Variants in PVT1 observed in about 807,000 individuals in gnomAD.
The protein encoded by PVT1 is Pvt1 oncogene.
At chr8:127,947,755 A>C (rs979320621) in intron 3 of PVT1, 1 of 456,446 alleles carries the variant, frequency 2.2e-6, no homozygotes, top group Non-Finnish European at 4.4e-6. Flanking sequence ...CGATGATCAC[A>C]GTCCAGGGAC....
chr8:127,881,658 TGTTA>T (rs1247866839), intron 2 of PVT1, among the ~76,000 whole-genome samples: 1 of 151,856 alleles, frequency 6.6e-6, no homozygotes. Context: ...AGTTTCAACA[TGTTA>T]GTTAGGCCGG....
intron 5 of PVT1, among the ~76,000 whole-genome samples, chr8:128,074,534 A>G (rs1814057478): frequency 6.6e-6 from 1 of 150,904 alleles, no homozygotes; most frequent in African/African-American, 2.4e-5. Flanking sequence ...AAAAAAAAAA[A>G]AAGGGGGGGG....
chr8:127,984,112 C>G (rs1816915673), intron 3 of PVT1: 1 of 152,134 alleles, frequency 6.6e-6, no homozygotes, highest in Non-Finnish European at 1.5e-5. Flanking sequence ...CTCCTGACCT[C>G]AAGTGATCCA....
At chr8:127,986,596 A>G (rs1211384202) in intron 3 of PVT1, among the ~76,000 whole-genome samples, 4 of 152,068 alleles carry the variant, frequency 2.6e-5, no homozygotes, top group Non-Finnish European at 5.9e-5. Flanking sequence ...TGTTTCTCCC[A>G]CCAATTATTG....
chr8:127,939,113 C>G (rs758682510), intron 3 of PVT1, among the ~76,000 whole-genome samples: 3 of 152,202 alleles, frequency 2.0e-5, no homozygotes, highest in Admixed American at 6.5e-5. Context: ...CAAGGCTTTG[C>G]AGTTATGGAG....
rs560952103 is a variant in PVT1, at chr8:127,903,229, C to T, written n.782+12231C>T. ...TCATGTTTGGTGGCTGCATGAATGT[C>T]TTCTTTTGAGCAGTGTCCGTCCTTG... On this transcript the variant is annotated intron_variant and non_coding_transcript_variant, in intron 3 of 10. Transcript: ENST00000651587. Among the ~76,000 whole-genome samples, 11 of 152,310 alleles carry T rather than the reference C, an allele frequency of 7.2e-5. No individual in the cohort carries two copies. The East Asian group carries it at 2.1e-3, about 29-fold the overall frequency.
chr8:127,857,344 G>A (rs557548721), intron 2 of PVT1, among the ~76,000 whole-genome samples: 2 of 152,072 alleles, frequency 1.3e-5, no homozygotes, highest in African/African-American at 4.8e-5. Context: ...TTGGTTATAA[G>A]AAGAGGCAGC....
intron 4 of PVT1, among the ~76,000 whole-genome samples, chr8:128,003,735 T>C (rs1450122362): frequency 1.3e-5 from 2 of 152,256 alleles, no homozygotes; most frequent in Admixed American, 1.3e-4. Flanking sequence ...TGAGTTCTTA[T>C]ATAGATTTGG....
intron 4 of PVT1, among the ~76,000 whole-genome samples, chr8:128,045,713 AGGCGTAATGAGGAGC>A (rs1813604120): frequency 6.6e-6 from 1 of 152,198 alleles, no homozygotes; most frequent in African/African-American, 2.4e-5. Context: ...CTGCCCTGTA[AGGCGTAATGAGGAGC>A]GGCTTCATAA....
At chr8:128,087,039 G>A (rs994719501) in intron 5 of PVT1, among the ~76,000 whole-genome samples, 2 of 152,206 alleles carry the variant, frequency 1.3e-5, no homozygotes, top group Non-Finnish European at 1.5e-5. Context: ...TAGGTTGCAC[G>A]ATCAGTGCCC....
At chr8:127,920,495 T>G (rs1399809714) in intron 3 of PVT1, among the ~76,000 whole-genome samples, 1 of 152,240 alleles carries the variant, frequency 6.6e-6, no homozygotes, top group Non-Finnish European at 1.5e-5. Context: ...GTACCCACCT[T>G]CTAAAGTGAT....
chr8:127,803,582 G>A (rs1243458009), intron 2 of PVT1: 1 of 152,204 alleles, frequency 6.6e-6, no homozygotes, highest in Non-Finnish European at 1.5e-5. Flanking sequence ...AGAATTCCAG[G>A]ATTTTGGTGG....
At chr8:127,888,304 G>T (rs1025213061) in intron 2 of PVT1, among the ~76,000 whole-genome samples, 3 of 152,202 alleles carry the variant, frequency 2.0e-5, no homozygotes, top group Admixed American at 2.0e-4. Context: ...ACTAGCCGCT[G>T]CAAGTGTGTG....
At chr8:127,827,825 T>C (rs1311386043) in intron 2 of PVT1, among the ~76,000 whole-genome samples, 1 of 152,036 alleles carries the variant, frequency 6.6e-6, no homozygotes, top group Non-Finnish European at 1.5e-5. Flanking sequence ...AAGCCTGAAG[T>C]CCTCCTCTGT....
intron 4 of PVT1, among the ~76,000 whole-genome samples, chr8:127,999,586 C>T (rs139470580): frequency 0.013 from 1,924 of 152,144 alleles, 34 homozygotes; most frequent in African/African-American, 0.044. Context: ...GTCAGCCTCC[C>T]GAGTAGCTGG....
intron 6 of PVT1, chr8:128,099,463 G>C (rs1054701748): frequency 2.0e-5 from 3 of 152,268 alleles, no homozygotes; most frequent in African/African-American, 7.2e-5. Context: ...TCTCGCCTGC[G>C]TGCTCCACCT....
chr8:127,869,291 C>T lies in PVT1; in HGVS notation n.373-21298C>T, dbSNP rs537665906. Among the ~76,000 whole-genome samples, 95 of 151,954 alleles carry T rather than the reference C, an allele frequency of 6.3e-4. No homozygotes were observed. The Middle Eastern group carries it at 0.01, about 16-fold the overall frequency. Reference sequence around the variant, plus strand: ...GATTACAGGCATGCACCACCACACCCGGCTAATTTTTGTATTTTTAGTAGA... The same window carrying T: ...GATTACAGGCATGCACCACCACACCTGGCTAATTTTTGTATTTTTAGTAGA... On this transcript the variant is annotated intron_variant and non_coding_transcript_variant, in intron 2 of 10. Coordinates refer to ENST00000651587, the Ensembl canonical transcript of PVT1.
At chr8:127,895,610 TAAATA>T (rs926606161) in intron 3 of PVT1, among the ~76,000 whole-genome samples, 109 of 152,310 alleles carry the variant, frequency 7.2e-4, no homozygotes, top group African/African-American at 2.5e-3. Context: ...TAGTTTTTTT[TAAATA>T]AAATTTTAAA....
intron 3 of PVT1, among the ~76,000 whole-genome samples, chr8:127,905,826 A>G (rs1815813312): frequency 6.6e-6 from 1 of 152,228 alleles, no homozygotes; most frequent in Non-Finnish European, 1.5e-5. Flanking sequence ...CATGTGCAAG[A>G]GTGCACTGGC....
Sources: gnomAD v4.1 joint callset for allele counts (sites outside exome capture counted in the v4.1 genomes callset) on GRCh38, gnomAD v4.1.1 for gene constraint, MANE v1.5 for transcripts, NCBI Gene and HGNC (gene_info 2026-07-23, HGNC 2026-07-21) for gene names.